The following PRR11 variants were observed in gnomAD, a reference collection of about 807,000 sequenced individuals.
PRR11 encodes proline rich 11, also known as proline-rich protein 11.
In PRR11, 30 loss-of-function variants were observed where a neutral mutation model predicts 45.6. The ratio of observed to expected loss-of-function variants is 0.66; its 90% CI spans 0.49 to 0.89. The LOEUF (loss-of-function observed/expected upper bound fraction) is 0.89. Ranked by LOEUF, PRR11 falls within the 40% of genes least tolerant of loss-of-function variation. The pLI, the probability that PRR11 is intolerant of heterozygous loss-of-function variation, is 0.00. For synonymous variants in PRR11, 128 were observed against 153.5 expected, an observed-to-expected ratio of 0.83 and a Z score of 1.23; for missense variants, 373 against 424.8, an observed-to-expected ratio of 0.88 and a Z score of 1.07.
At chr17:59,170,494 C>T (rs572535241) in intron 2 of PRR11, among the ~76,000 whole-genome samples, 23 of 152,014 alleles carry the variant, frequency 1.5e-4, no homozygotes, top group African/African-American at 5.3e-4. Flanking sequence ...CCTTGATTTC[C>T]TGGGCTCAAG....
Position 59,205,502 on chromosome 17 carries a change from G to A in PRR11, c.*3871G>A, listed in dbSNP as rs974969000. Among the ~76,000 whole-genome samples the A allele has an allele frequency of 2.0e-5, 3 of 149,488 alleles. No homozygotes were observed. Among genetic ancestry groups the A allele is most frequent in the Admixed American group, 6.7e-5 (1 of 14,964 alleles). Reference sequence around the variant, plus strand: ...AGATCACCTGAGGTCAAGAGTTCGAGACCAGTCTGGCCAACATGGTGAAAC... The same window carrying A: ...AGATCACCTGAGGTCAAGAGTTCGAAACCAGTCTGGCCAACATGGTGAAAC... On this transcript the variant is annotated 3_prime_UTR_variant, in exon 10 of 10. Coordinates refer to ENST00000262293, the MANE Select transcript of PRR11 (RefSeq NM_018304.4).
chr17:59,160,942 G>A (rs1436703103), intron 1 of PRR11: 1 of 149,162 alleles, frequency 6.7e-6, no homozygotes, highest in African/African-American at 2.5e-5. Context: ...TCACTGTGTT[G>A]CCCAGAGTGG....
At chr17:59,180,442 A>G (rs2046775848) in intron 2 of PRR11, among the ~76,000 whole-genome samples, 1 of 143,164 alleles carries the variant, frequency 7.0e-6, no homozygotes, top group Non-Finnish European at 1.5e-5. Flanking sequence ...CAGTCCCTCC[A>G]TTCTTCCCAC....
In PRR11 at chr17:59,198,018, G is replaced by A. The variant is rs9911234; in HGVS notation, c.1014+229G>A. 3.1e-3 allele frequency: 1,609 copies of A among 510,958 alleles called. 18 individuals are homozygous for A. Among genetic ancestry groups the A allele is most frequent in the African/African-American group, 0.027 (1,425 of 52,318 alleles). 31.7% of individuals were successfully genotyped at this position (510,958 alleles called of 1,614,324 possible). A position where few individuals can be genotyped will look rare whatever the true frequency, so the allele number is the denominator to read the frequency against. ...TAGTTCCAGCTACTTGGGAAGCTGT[G>A]TTGGAGGATCACTTGAGCCCAGGAG... On this transcript the variant is annotated intron_variant, in intron 9 of 9. Transcript: ENST00000262293.
chr17:59,167,474 C>T (rs1437866366), intron 1 of PRR11, among the ~76,000 whole-genome samples: 1 of 152,082 alleles, frequency 6.6e-6, no homozygotes, highest in African/African-American at 2.4e-5. Flanking sequence ...ATTCTTGTAC[C>T]TTGTGCAAGC....
intron 2 of PRR11, among the ~76,000 whole-genome samples, chr17:59,170,783 T>C (rs2046703834): frequency 6.6e-6 from 1 of 152,060 alleles, no homozygotes; most frequent in African/African-American, 2.4e-5. Context: ...TATGATCAAA[T>C]AACCAAAACC....
chr17:59,200,375 G>A (rs1288599227), intron 9 of PRR11, among the ~76,000 whole-genome samples: 2 of 152,152 alleles, frequency 1.3e-5, no homozygotes, highest in African/African-American at 4.8e-5. Flanking sequence ...CCGGAAAGTC[G>A]CTTGAGGCCA....
At chr17:59,198,572 G>A (rs2046877759) in intron 9 of PRR11, among the ~76,000 whole-genome samples, 1 of 152,152 alleles carries the variant, frequency 6.6e-6, no homozygotes, top group Admixed American at 6.6e-5. Flanking sequence ...TACTCGGGAG[G>A]CTGAGGCAGG....
chr17:59,178,423 C>T (rs1344624346), intron 2 of PRR11: 4 of 485,692 alleles, frequency 8.2e-6, no homozygotes, highest in African/African-American at 7.8e-5. Flanking sequence ...GCACCCTCCC[C>T]CTGGCAGTGC....
chr17:59,162,633 A>G (rs752763928), intron 1 of PRR11, among the ~76,000 whole-genome samples: 1 of 151,980 alleles, frequency 6.6e-6, no homozygotes. Context: ...CATATTTCTA[A>G]GTAACATTCA....
In PRR11 at chr17:59,175,102, C is replaced by T. The variant is rs925352085; in HGVS notation, c.128+5222C>T. 8.7e-6 allele frequency: 5 copies of T among 572,090 alleles called. No individual in the cohort carries two copies. The African/African-American group carries it at 9.6e-5, about 11-fold the overall frequency. 35.4% of individuals were successfully genotyped at this position (572,090 alleles called of 1,614,324 possible). A position where few individuals can be genotyped will look rare whatever the true frequency, so the allele number is the denominator to read the frequency against. On this transcript the variant is annotated intron_variant, in intron 2 of 9. Transcript: ENST00000262293. ...ATGTTTCATTTGGAGGCCTCGTTGTCCTCCTCCATGTCATTGGCCAGGTAG... is the reference window on the plus strand; with the variant it reads ...ATGTTTCATTTGGAGGCCTCGTTGTTCTCCTCCATGTCATTGGCCAGGTAG...
chr17:59,171,785 G>A (rs1441249449), intron 2 of PRR11, among the ~76,000 whole-genome samples: 1 of 151,960 alleles, frequency 6.6e-6, no homozygotes, highest in Admixed American at 6.6e-5. Flanking sequence ...TTCTATGACA[G>A]GAACTTAGGG....
intron 9 of PRR11, among the ~76,000 whole-genome samples, chr17:59,198,717 A>G (rs757559219): frequency 6.6e-6 from 1 of 151,340 alleles, no homozygotes; most frequent in Non-Finnish European, 1.5e-5. Flanking sequence ...CGTGCCTGTA[A>G]TCCCGGCTAC....
At position 59,201,853 on chromosome 17, in the gene PRR11, C is replaced by G; in HGVS notation, c.*222C>G. On this transcript the variant is annotated 3_prime_UTR_variant, in exon 10 of 10. Coordinates refer to ENST00000262293, the MANE Select transcript of PRR11 (RefSeq NM_018304.4). ...GGGCATAGTGGCGGGTGCCTGTAAT[C>G]CCAGCTATGCGGGAGGCTAAGGCAG... is the stretch of plus-strand genomic sequence containing the variant. 1 of 480,494 alleles carries G rather than the reference C, an allele frequency of 2.1e-6. No individual in the cohort carries two copies. The highest frequency in any genetic ancestry group is 3.8e-6 in the Non-Finnish European group (1 of 263,304). 29.8% of individuals were successfully genotyped at this position (480,494 alleles called of 1,614,324 possible).
chr17:59,185,700 G>C lies in PRR11; in HGVS notation c.402+138G>C, dbSNP rs867779197. 8.0e-5 allele frequency: 61 copies of C among 759,144 alleles called. 1 individual carries two copies. The Middle Eastern group carries it at 1.1e-3, about 14-fold the overall frequency. The allele number at this position is 759,144 out of a possible 1,614,324, so 47.0% of individuals were successfully genotyped here. A position where few individuals can be genotyped will look rare whatever the true frequency, so the allele number is the denominator to read the frequency against. On this transcript the variant is annotated intron_variant, in intron 4 of 9. Transcript: ENST00000262293. ...TTAAGCGAAAAAGTTTTCTTTGTTAGCAAGGAATACAAAGGGTAGAACAAA... is the reference window on the plus strand; with the variant it reads ...TTAAGCGAAAAAGTTTTCTTTGTTACCAAGGAATACAAAGGGTAGAACAAA...
chr17:59,200,905 G>A (rs1359144380), intron 9 of PRR11, among the ~76,000 whole-genome samples: 1 of 151,888 alleles, frequency 6.6e-6, no homozygotes, highest in Non-Finnish European at 1.5e-5. Context: ...GATTACAGGC[G>A]TGAGCCACCG....
At position 59,201,560 on chromosome 17, in the gene PRR11, T is replaced by A. The variant is rs1007883479; in HGVS notation, c.1015-3T>A. The A allele has an allele frequency of 6.2e-7, 1 of 1,609,716 alleles. No individual in the cohort carries two copies. Among genetic ancestry groups the A allele is most frequent in the Non-Finnish European group, 8.5e-7 (1 of 1,179,014 alleles). ...TTATAATTGGGACTTTTTTTTTTTA[T>A]AGCTGGCTCACCCTAGAAGCCCAAC... On this transcript the variant is annotated splice_region_variant and splice_polypyrimidine_tract_variant and intron_variant, in intron 9 of 9. Coordinates refer to ENST00000262293, the MANE Select transcript of PRR11 (RefSeq NM_018304.4).
At chr17:59,178,679 C>G (rs1425683637) in intron 2 of PRR11, 1 of 480,992 alleles carries the variant, frequency 2.1e-6, no homozygotes, top group Admixed American at 2.2e-5. Flanking sequence ...GAATGACTTT[C>G]ACTGGGCAAG....
intron 1 of PRR11, among the ~76,000 whole-genome samples, chr17:59,162,074 C>G (rs1273798258): frequency 6.6e-6 from 1 of 152,202 alleles, no homozygotes; most frequent in East Asian, 1.9e-4. Context: ...TTGGATGGAA[C>G]AACTAACTAT....
Sources: allele counts gnomAD v4.1 joint callset (sites outside exome capture counted in the v4.1 genomes callset), GRCh38; gene constraint gnomAD v4.1.1; transcripts MANE v1.5; gene names NCBI Gene and HGNC (gene_info 2026-07-23, HGNC 2026-07-21).